BMPER: variants seen among roughly 807,000 people sequenced by gnomAD.
BMPER encodes BMP-binding endothelial regulator protein.
In BMPER, 45 loss-of-function variants were observed where a neutral mutation model predicts 87.3. The ratio of observed to expected loss-of-function variants is 0.52; its 90% CI spans 0.41 to 0.66. The LOEUF (loss-of-function observed/expected upper bound fraction) is 0.66. Among genes scored for constraint, BMPER ranks in the 30% least tolerant of loss-of-function variants. The pLI is 0.00. For missense variants in BMPER, 784 were observed against 867.5 expected (o/e 0.90, Z 1.21); for synonymous variants, 326 against 316.2 (o/e 1.03, Z -0.33).
At chr7:34,058,545 A>G (rs1292874418) in intron 10 of BMPER, among the ~76,000 whole-genome samples, 1 of 152,172 alleles carries the variant, frequency 6.6e-6, no homozygotes, top group Non-Finnish European at 1.5e-5. Context: ...AGCCATTCAA[A>G]GTAATATGTG....
chr7:34,054,742 C>A (rs1788236954), intron 8 of BMPER, among the ~76,000 whole-genome samples: 1 of 152,154 alleles, frequency 6.6e-6, no homozygotes. Context: ...AGATATCATG[C>A]CTTTACGTTA....
At position 34,153,411 on chromosome 7, in the gene BMPER, G is replaced by T. The variant is rs1791235870; in HGVS notation, c.*138G>T. The T allele has an allele frequency of 2.7e-4, 185 of 681,292 alleles. 1 individual carries two copies. Among genetic ancestry groups the T allele is most frequent in the South Asian group, 5.0e-4 (26 of 51,542 alleles). 42.2% of individuals were successfully genotyped at this position (681,292 alleles called of 1,614,324 possible). Reference sequence around the variant, plus strand: ...GAGTATATATGTGTATATATATATAGATATATTCAAAAACATTGCATCATT... The same window carrying T: ...GAGTATATATGTGTATATATATATATATATATTCAAAAACATTGCATCATT... On this transcript the variant is annotated 3_prime_UTR_variant, in exon 15 of 15. Coordinates refer to ENST00000649409, the MANE Select transcript of BMPER (RefSeq NM_001365308.1).
intron 13 of BMPER, among the ~76,000 whole-genome samples, chr7:34,126,153 G>A (rs1287737606): frequency 6.6e-6 from 1 of 152,222 alleles, no homozygotes; most frequent in Non-Finnish European, 1.5e-5. Context: ...GAATGTCTCA[G>A]CAGGTACTAT....
chr7:33,970,596 A>G (rs1785520180), intron 5 of BMPER, among the ~76,000 whole-genome samples, 177 bp downstream of exon 5: 1 of 152,158 alleles, frequency 6.6e-6, no homozygotes, highest in African/African-American at 2.4e-5. Flanking sequence ...TGTGCCCAGC[A>G]TGAATGCAAT....
chr7:34,114,156 A>G (rs918038), intron 13 of BMPER, among the ~76,000 whole-genome samples: 90,338 of 152,016 alleles, frequency 0.59, 27,290 homozygotes, highest in East Asian at 0.84. Flanking sequence ...CACCACAAGC[A>G]TCAACATCTG....
At chr7:33,944,002 A>G (rs1039191068) in intron 3 of BMPER, among the ~76,000 whole-genome samples, 3 of 152,166 alleles carry the variant, frequency 2.0e-5, no homozygotes, top group African/African-American at 7.2e-5. Context: ...ACAAGTTAAC[A>G]CTTAAATGGT....
chr7:33,988,119 C>G (rs1786063784), intron 6 of BMPER, among the ~76,000 whole-genome samples: 1 of 152,116 alleles, frequency 6.6e-6, no homozygotes, highest in Admixed American at 6.6e-5. Context: ...TAATTTTTTT[C>G]ATGCTGTCAT....
chr7:34,105,000 T>C (rs1789783036), intron 13 of BMPER, among the ~76,000 whole-genome samples: 1 of 152,240 alleles, frequency 6.6e-6, no homozygotes, highest in Admixed American at 6.5e-5. Context: ...ATCTGTCTTC[T>C]GGATTTATTT....
chr7:33,967,746 C>T (rs1785439239), intron 4 of BMPER, among the ~76,000 whole-genome samples: 1 of 152,174 alleles, frequency 6.6e-6, no homozygotes, highest in East Asian at 1.9e-4. Flanking sequence ...CCATGCCCTG[C>T]CTCTTGACCA....
chr7:33,996,407 A>G (rs942885668), intron 6 of BMPER, among the ~76,000 whole-genome samples: 1 of 152,170 alleles, frequency 6.6e-6, no homozygotes, highest in African/African-American at 2.4e-5. Flanking sequence ...CTTTTATATC[A>G]AACCCAAATA....
At chr7:34,035,452 A>G (rs1017464246) in intron 6 of BMPER, among the ~76,000 whole-genome samples, 1 of 152,226 alleles carries the variant, frequency 6.6e-6, no homozygotes, top group African/African-American at 2.4e-5. Flanking sequence ...AATGAAGTTT[A>G]AATGTAATCT....
At chr7:34,147,832 C>T (rs911040397) in intron 14 of BMPER, among the ~76,000 whole-genome samples, 1 of 152,050 alleles carries the variant, frequency 6.6e-6, no homozygotes, top group South Asian at 2.1e-4. Context: ...CCCATCACAT[C>T]ACACCTATGT....
rs576701116 is a variant in BMPER, at chr7:34,156,156, G to A, written c.*2883G>A. Among the ~76,000 whole-genome samples the A allele has an allele frequency of 3.3e-5, 5 of 152,242 alleles. No homozygotes were observed. Among genetic ancestry groups the A allele is most frequent in the East Asian group, 1.9e-4 (1 of 5,168 alleles). On this transcript the variant is annotated 3_prime_UTR_variant, in exon 15 of 15. Coordinates refer to ENST00000649409, the MANE Select transcript of BMPER (RefSeq NM_001365308.1). Reference sequence around the variant, plus strand: ...TTGACTGCTTCCTGACCATCAGACCGTCCTGTAAGAGGGCATCTTTCAATA... The same window carrying A: ...TTGACTGCTTCCTGACCATCAGACCATCCTGTAAGAGGGCATCTTTCAATA...
At chr7:34,057,752 A>G (rs1053895790) in intron 9 of BMPER, among the ~76,000 whole-genome samples, 2 of 152,166 alleles carry the variant, frequency 1.3e-5, no homozygotes, top group Admixed American at 1.3e-4. Context: ...GGGTGGAACT[A>G]AGTAAACAAT....
At chr7:34,086,569 T>C (rs1585818118) in intron 13 of BMPER, among the ~76,000 whole-genome samples, 1 of 152,188 alleles carries the variant, frequency 6.6e-6, no homozygotes, top group East Asian at 1.9e-4. Context: ...ACATCAAATG[T>C]GCACATGGAA....
intron 1 of BMPER, 95 bp downstream of exon 1, chr7:33,905,841 G>GCC: frequency 3.4e-6 from 2 of 584,016 alleles, no homozygotes; most frequent in Non-Finnish European, 3.0e-6. Context: ...GGAGGGTGGG[G>GCC]AGCGCGCACC....
At chr7:34,084,434 A>G (rs1005848903) in intron 12 of BMPER, among the ~76,000 whole-genome samples, 1 of 152,086 alleles carries the variant, frequency 6.6e-6, no homozygotes, top group Non-Finnish European at 1.5e-5. Context: ...GCCGAAATAC[A>G]CCTTGATCCA....
At chr7:34,029,996 C>G (rs997787953) in intron 6 of BMPER, among the ~76,000 whole-genome samples, 10 of 151,928 alleles carry the variant, frequency 6.6e-5, no homozygotes, top group African/African-American at 2.4e-4. Context: ...GAATTCTTTT[C>G]TTTTTTCTAT....
At chr7:34,082,328 GTTTTTT>G in intron 12 of BMPER, among the ~76,000 whole-genome samples, 1 of 116,420 alleles carries the variant, frequency 8.6e-6, no homozygotes, top group African/African-American at 3.2e-5. Flanking sequence ...CAACTTATTA[GTTTTTT>G]TTTTTTTTTT....
Sources: allele counts gnomAD v4.1 joint callset (sites outside exome capture counted in the v4.1 genomes callset), GRCh38; gene constraint gnomAD v4.1.1; transcripts MANE v1.5; gene names NCBI Gene and HGNC (gene_info 2026-07-23, HGNC 2026-07-21).